Variants in WDR49 observed in about 807,000 individuals in gnomAD.
WDR49 encodes the protein WD repeat domain 49.
Under a neutral mutation model 119.5 loss-of-function variants are expected in WDR49, and 107 were observed. That is an observed-to-expected ratio of 0.90 (90% CI 0.77 to 1.05). The LOEUF (loss-of-function observed/expected upper bound fraction) is 1.05, where lower values mean the gene tolerates loss of function less well. Ranked by LOEUF, WDR49 falls within the 50% of genes least tolerant of loss-of-function variation. WDR49 has a pLI of 0.00. For missense variants in WDR49, 1,240 were observed against 1,220.5 expected (o/e 1.02, Z -0.24); for synonymous variants, 425 against 418.8 (o/e 1.01, Z -0.18).
upstream of WDR49, among the ~76,000 whole-genome samples, chr3:167,655,079 T>A (rs1432636555): frequency 6.6e-6 from 1 of 152,102 alleles, no homozygotes; most frequent in Non-Finnish European, 1.5e-5. Context: ...AATTGACTCA[T>A]AATTTCACAT....
At position 167,501,523 on chromosome 3, in the gene WDR49, T is replaced by C. The variant is rs577889475; in HGVS notation, c.2885-1224A>G. Among the ~76,000 whole-genome samples the C allele has an allele frequency of 4.6e-5, 7 of 152,282 alleles. No individual in the cohort carries two copies. The East Asian group carries it at 1.2e-3, about 25-fold the overall frequency. On this transcript the variant is annotated intron_variant, in intron 17 of 18. Coordinates refer to ENST00000682715, the MANE Select transcript of WDR49 (RefSeq NM_001366157.1). ...GAGTAGATTAGTTGATAAATGGGCA[T>C]TGAATGTTAACAAATAATTATGCAC...
At chr3:167,656,796 T>C (rs1482938971), upstream of WDR49, among the ~76,000 whole-genome samples, 2 of 152,136 alleles carry the variant, frequency 1.3e-5, no homozygotes, top group Non-Finnish European at 2.9e-5. Flanking sequence ...ACTGGTGAAA[T>C]TTTCCCTCTT....
chr3:167,640,669 T>C (rs1354995140), intron 2 of WDR49, among the ~76,000 whole-genome samples: 1 of 151,900 alleles, frequency 6.6e-6, no homozygotes, highest in Non-Finnish European at 1.5e-5. Flanking sequence ...ATCTGAGTTA[T>C]GTGCAAGACC....
intron 15 of WDR49, among the ~76,000 whole-genome samples, chr3:167,527,416 T>G (rs1037141822): frequency 4.6e-5 from 7 of 152,192 alleles, no homozygotes; most frequent in Admixed American, 4.6e-4. Flanking sequence ...ATGATTGGTT[T>G]TTTTTTCTAA....
intron 17 of WDR49, among the ~76,000 whole-genome samples, chr3:167,501,814 A>G (rs1422964363): frequency 6.6e-6 from 1 of 152,224 alleles, no homozygotes; most frequent in Admixed American, 6.5e-5. Context: ...GTGTGGCTTC[A>G]GGATTTCTGA....
intron 7 of WDR49, among the ~76,000 whole-genome samples, chr3:167,588,792 T>C (rs1714957812): frequency 6.6e-6 from 1 of 152,178 alleles, no homozygotes; most frequent in South Asian, 2.1e-4. Flanking sequence ...TTGTTAGATT[T>C]TTTTTCCTAG....
At chr3:167,563,673 C>T (rs1713416255) in intron 8 of WDR49, among the ~76,000 whole-genome samples, 1 of 152,136 alleles carries the variant, frequency 6.6e-6, no homozygotes, top group African/African-American at 2.4e-5. Flanking sequence ...TATTTCAATA[C>T]ACATACACGA....
In WDR49 at chr3:167,637,797, G is replaced by T. The variant is rs1292381206; in HGVS notation, c.166-10505C>A. Among the ~76,000 whole-genome samples the T allele has an allele frequency of 4.6e-5, 7 of 151,548 alleles. No homozygotes were observed. The East Asian group carries it at 1.2e-3, about 25-fold the overall frequency. ...AGTTAAGTTCTTGATTTGATTCTCT[G>T]CTTGGTTGCTTTTGGTGTATAGAAG... On this transcript the variant is annotated intron_variant, in intron 2 of 18. Transcript: ENST00000682715.
chr3:167,605,572 T>C (rs1716019390), intron 5 of WDR49, among the ~76,000 whole-genome samples: 1 of 152,092 alleles, frequency 6.6e-6, no homozygotes, highest in Admixed American at 6.6e-5. Context: ...TTAGAGACAA[T>C]TTTAGTACAT....
chr3:167,480,936 A>T (rs959477299), intron 18 of WDR49, among the ~76,000 whole-genome samples: 24 of 152,152 alleles, frequency 1.6e-4, no homozygotes, highest in African/African-American at 5.3e-4. Context: ...TAGATGAGTC[A>T]GGGCTACCTG....
intron 16 of WDR49, among the ~76,000 whole-genome samples, chr3:167,506,701 A>G (rs1013950144): frequency 7.2e-5 from 11 of 152,164 alleles, no homozygotes; most frequent in African/African-American, 2.4e-4. Flanking sequence ...AGTACTATTA[A>G]CTGAATTCCA....
chr3:167,639,096 C>T lies in WDR49; in HGVS notation c.166-11804G>A, dbSNP rs375048113. Among the ~76,000 whole-genome samples the T allele has an allele frequency of 3.3e-5, 5 of 151,828 alleles. No homozygotes were observed. In the East Asian group the frequency reaches 9.7e-4, roughly 29 times the overall value. ...TGCTTATCACTATCAGCTTTTGTGC[C>T]TAGGCTAGAAACTTGGGGGAATAAG... On this transcript the variant is annotated intron_variant, in intron 2 of 18. Coordinates refer to ENST00000682715, the MANE Select transcript of WDR49 (RefSeq NM_001366157.1).
intron 2 of WDR49, among the ~76,000 whole-genome samples, chr3:167,637,678 T>G (rs933425544): frequency 6.6e-6 from 1 of 151,862 alleles, no homozygotes; most frequent in Non-Finnish European, 1.5e-5. Context: ...CAGCAGTGTT[T>G]TGTAGTTTTC....
chr3:167,539,439 G>A (rs757691541), intron 10 of WDR49, among the ~76,000 whole-genome samples: 32 of 152,036 alleles, frequency 2.1e-4, no homozygotes, highest in Middle Eastern at 3.4e-3. Flanking sequence ...ACTCTCTAAG[G>A]CCCATCTTAT....
intron 12 of WDR49, among the ~76,000 whole-genome samples, chr3:167,532,377 C>G (rs191794827): frequency 4.9e-4 from 75 of 152,192 alleles, no homozygotes; most frequent in Admixed American, 1.8e-3. Flanking sequence ...TATTCATGTG[C>G]TCTGCTAAAC....
At chr3:167,538,870 G>A (rs1452390159) in intron 10 of WDR49, among the ~76,000 whole-genome samples, 1 of 152,088 alleles carries the variant, frequency 6.6e-6, no homozygotes, top group South Asian at 2.1e-4. Flanking sequence ...TAAAAGATAA[G>A]GCTAATGCCC....
intron 16 of WDR49, among the ~76,000 whole-genome samples, chr3:167,514,717 T>G (rs986372475): frequency 1.6e-4 from 22 of 141,866 alleles, no homozygotes; most frequent in African/African-American, 5.8e-4. Flanking sequence ...TGAAAAAAAT[T>G]AAGAAAATAG....
At chr3:167,479,293 T>C (rs912003498) in intron 18 of WDR49, among the ~76,000 whole-genome samples, 8 of 152,158 alleles carry the variant, frequency 5.3e-5, no homozygotes, top group Non-Finnish European at 1.2e-4. Flanking sequence ...TGTTTTTTAA[T>C]CTACTTAACA....
chr3:167,594,638 C>A (rs1475001543), intron 7 of WDR49, among the ~76,000 whole-genome samples: 2 of 152,064 alleles, frequency 1.3e-5, no homozygotes, highest in African/African-American at 4.8e-5. Flanking sequence ...GGTAGAAAAG[C>A]AAAACCCGGC....
Sources: allele counts gnomAD v4.1 joint callset (sites outside exome capture counted in the v4.1 genomes callset), GRCh38; gene constraint gnomAD v4.1.1; transcripts MANE v1.5; gene names NCBI Gene and HGNC (gene_info 2026-07-23, HGNC 2026-07-21).